Variants in NDUFA8 observed in about 807,000 individuals in gnomAD.
NDUFA8 encodes the protein NADH dehydrogenase [ubiquinone] 1 alpha subcomplex subunit 8.
Under a neutral mutation model 20.9 loss-of-function variants are expected in NDUFA8, and 16 were observed. That is an observed-to-expected ratio of 0.77 (90% CI 0.52 to 1.16). NDUFA8 has a LOEUF of 1.16. NDUFA8 is among the 50% of genes most tolerant of loss of function. NDUFA8 has a pLI of 0.00. For synonymous variants in NDUFA8, 70 were observed against 76.1 expected (o/e 0.92, Z 0.41); for missense variants, 202 against 216.4 (o/e 0.93, Z 0.42).
intron 3 of NDUFA8, among the ~76,000 whole-genome samples, 200 bp from the exon 4 acceptor site, chr9:122,144,578 G>A (rs1179403617): frequency 6.6e-6 from 1 of 152,144 alleles, no homozygotes; most frequent in East Asian, 1.9e-4. Context: ...CATTCCATGT[G>A]GTAGAAACTA....
chr9:122,159,693 GA>G lies in NDUFA8; in HGVS notation c.-17del, dbSNP rs774666711. On this transcript the variant is annotated 5_prime_UTR_variant, in exon 1 of 4. Coordinates refer to ENST00000373768, the MANE Select transcript of NDUFA8 (RefSeq NM_014222.3). ...TCCCCGGCATGACGGCTGCAGCCCCGACCCCGACGAGAAGCCCTCAGCCGCG... is the reference window on the plus strand; with the variant it reads ...TCCCCGGCATGACGGCTGCAGCCCCGCCCCGACGAGAAGCCCTCAGCCGCG... 1 of 1,613,930 alleles carries G rather than the reference GA, an allele frequency of 6.2e-7. No homozygotes were observed. Among genetic ancestry groups the G allele is most frequent in the Non-Finnish European group, 8.5e-7 (1 of 1,179,994 alleles).
At position 122,144,206 on chromosome 9, in the gene NDUFA8, G is replaced by A. The variant is rs753713194; in HGVS notation, c.*35C>T. 6.2e-7 allele frequency: 1 copy of A among 1,612,832 alleles called. No homozygotes were observed. Among genetic ancestry groups the A allele is most frequent in the South Asian group, 1.1e-5 (1 of 90,970 alleles). On this transcript the variant is annotated 3_prime_UTR_variant, in exon 4 of 4. Transcript: ENST00000373768. Reference sequence around the variant, plus strand: ...TGGGCGTTTTCATCAGTCGTTGTCTGAGCACATGACCGAGTGTGGGCCACG... The same window carrying A: ...TGGGCGTTTTCATCAGTCGTTGTCTAAGCACATGACCGAGTGTGGGCCACG...
chr9:122,144,253 G>A lies in NDUFA8; in HGVS notation c.507C>T (p.Phe169=), dbSNP rs1047197. ...QPATHGSRFY[F]WTK ...CACGGACCCATCTTTACTTGGTCCA[G>A]AAATAAAAGCGGCTGCCATGTGTGG... The change falls in exon 4 of 4, where the codon TTC becomes TTT. Residue 169 remains phenylalanine, a synonymous_variant. Transcript: ENST00000373768. The A allele has an allele frequency of 6.2e-7, 1 of 1,613,986 alleles. No individual in the cohort carries two copies. The highest frequency in any genetic ancestry group is 8.5e-7 in the Non-Finnish European group (1 of 1,180,010).
intron 2 of NDUFA8, among the ~76,000 whole-genome samples, chr9:122,151,280 C>T (rs1828992894): frequency 6.6e-6 from 1 of 152,182 alleles, no homozygotes; most frequent in African/African-American, 2.4e-5. Flanking sequence ...AACAACCCCT[C>T]CCTGTCTCTC....
rs764612056 is a variant in NDUFA8, at chr9:122,159,759, T to C, written c.-82A>G. 153 of 1,599,648 alleles carry C rather than the reference T, an allele frequency of 9.6e-5. No homozygotes were observed. Among genetic ancestry groups the C allele is most frequent in the Non-Finnish European group, 1.1e-4 (132 of 1,168,462 alleles). On this transcript the variant is annotated 5_prime_UTR_variant, in exon 1 of 4. Coordinates refer to ENST00000373768, the MANE Select transcript of NDUFA8 (RefSeq NM_014222.3). The stretch of plus-strand genomic sequence containing the variant: ...TTGAACTCCCCTTTCGACCGCCGAG[T>C]GCCACACGGCGCCTGCGCATGCGCA...
chr9:122,145,984 A>T (rs185834773), intron 3 of NDUFA8, among the ~76,000 whole-genome samples: 1 of 151,550 alleles, frequency 6.6e-6, no homozygotes, highest in East Asian at 2.0e-4. Context: ...CCCCTTCTCT[A>T]CTAAAAATAC....
chr9:122,146,423 T>C (rs1030124075), intron 3 of NDUFA8, among the ~76,000 whole-genome samples: 3 of 152,232 alleles, frequency 2.0e-5, no homozygotes, highest in Non-Finnish European at 4.4e-5. Context: ...GGTAGTTTTA[T>C]TTGTTACATG....
chr9:122,135,891 G>A, the NDUFA8 span, among the ~76,000 whole-genome samples: 45 of 152,232 alleles, frequency 3.0e-4, no homozygotes, highest in Admixed American at 1.5e-3. Context: ...GCCCGGCCTA[G>A]CCCTGGGTTT....
At chr9:122,152,859 T>C (rs186574274) in intron 1 of NDUFA8, among the ~76,000 whole-genome samples, 1 of 152,180 alleles carries the variant, frequency 6.6e-6, no homozygotes, top group East Asian at 1.9e-4. Flanking sequence ...ATAGAATCTT[T>C]ATTTATGGTA....
chr9:122,158,651 T>C (rs766492673), intron 1 of NDUFA8, among the ~76,000 whole-genome samples: 19 of 149,930 alleles, frequency 1.3e-4, no homozygotes, highest in Non-Finnish European at 2.2e-4. Flanking sequence ...CTACGACCAA[T>C]TGTGTGTGTG....
At chr9:122,147,600 C>T (rs957574147) in intron 3 of NDUFA8, among the ~76,000 whole-genome samples, 2 of 149,562 alleles carry the variant, frequency 1.3e-5, no homozygotes, top group Non-Finnish European at 3.0e-5. Context: ...CCTGCACATG[C>T]TAGAAGGCCT....
the NDUFA8 span, among the ~76,000 whole-genome samples, chr9:122,133,579 C>T: frequency 3.3e-5 from 5 of 152,174 alleles, no homozygotes; most frequent in East Asian, 1.9e-4. Context: ...CAGTGGAGAA[C>T]GCATCAGGGG....
the NDUFA8 span, among the ~76,000 whole-genome samples, chr9:122,136,875 T>C: frequency 6.6e-6 from 1 of 152,122 alleles, no homozygotes; most frequent in African/African-American, 2.4e-5. Context: ...CTATTTGTAT[T>C]TGGGTGTTTA....
At chr9:122,138,867 G>GGGC in the NDUFA8 span, among the ~76,000 whole-genome samples, 17 of 140,802 alleles carry the variant, frequency 1.2e-4, 1 homozygote, top group South Asian at 5.1e-4. Context: ...AGAAGAGGTG[G>GGGC]GGGGGGGGCC....
the NDUFA8 span, among the ~76,000 whole-genome samples, chr9:122,138,380 G>C: frequency 6.6e-6 from 1 of 152,276 alleles, no homozygotes; most frequent in African/African-American, 2.4e-5. Context: ...TCAGTTCACA[G>C]ACAGCATTTT....
Position 122,159,621 on chromosome 9 carries a change from C to A in NDUFA8, c.51+6G>T. Reference sequence around the variant, plus strand: ...TCTCCCTTGCCTGTCCTCCGGATAGCCTCACCTCATCTACTTTCAGCTCCT... The same window carrying A: ...TCTCCCTTGCCTGTCCTCCGGATAGACTCACCTCATCTACTTTCAGCTCCT... On this transcript the variant is annotated splice_donor_region_variant and intron_variant, in intron 1 of 3. Transcript: ENST00000373768. The A allele has an allele frequency of 6.2e-7, 1 of 1,613,820 alleles. No individual in the cohort carries two copies. The highest frequency in any genetic ancestry group is 1.6e-4 in the Middle Eastern group (1 of 6,062).
intron 1 of NDUFA8, among the ~76,000 whole-genome samples, chr9:122,158,752 T>C (rs1171043958): frequency 6.7e-6 from 1 of 149,438 alleles, no homozygotes; most frequent in East Asian, 1.9e-4. Context: ...TATATATATA[T>C]ATGGTATATA....
intron 3 of NDUFA8, among the ~76,000 whole-genome samples, chr9:122,144,923 T>C (rs756326327): frequency 6.6e-6 from 1 of 152,118 alleles, no homozygotes; most frequent in Non-Finnish European, 1.5e-5. Flanking sequence ...GCATGAAGAA[T>C]GGAGGGAGAT....
At chr9:122,150,791 G>A (rs963703563) in intron 2 of NDUFA8, among the ~76,000 whole-genome samples, 1 of 151,916 alleles carries the variant, frequency 6.6e-6, no homozygotes, top group African/African-American at 2.4e-5. Flanking sequence ...CCAACATGCT[G>A]AAACCCCATC....
Sources: gnomAD v4.1 joint callset for allele counts (sites outside exome capture counted in the v4.1 genomes callset) on GRCh38, gnomAD v4.1.1 for gene constraint, MANE v1.5 for transcripts, NCBI Gene and HGNC (gene_info 2026-07-23, HGNC 2026-07-21) for gene names.